The following MEI4 variants were observed in gnomAD, a reference collection of about 807,000 sequenced individuals.
MEI4 encodes the protein meiosis-specific protein MEI4.
Under a neutral mutation model 31.4 loss-of-function variants are expected in MEI4, and 27 were observed. The observed-to-expected ratio is 0.86, with a 90% CI of 0.63 to 1.19. The LOEUF is 1.19. Ranked by LOEUF, MEI4 falls within the 50% of genes most tolerant of loss-of-function variation. The pLI, the probability that MEI4 is intolerant of heterozygous loss-of-function variation, is 0.00. For synonymous variants in MEI4, 122 were observed against 145.4 expected (o/e 0.84, Z 1.16); for missense variants, 329 against 398.9 (o/e 0.82, Z 1.49).
intron 3 of MEI4, among the ~76,000 whole-genome samples, chr6:77,795,552 A>C (rs1004598574): frequency 3.0e-5 from 3 of 100,136 alleles, no homozygotes; most frequent in African/African-American, 2.0e-4. Context: ...AGCTAGAAGA[A>C]GTGAAAAAAT....
intron 2 of MEI4, among the ~76,000 whole-genome samples, chr6:77,751,602 T>C (rs966917426): frequency 6.6e-6 from 1 of 151,668 alleles, no homozygotes; most frequent in Non-Finnish European, 1.5e-5. Flanking sequence ...AATAACAAGT[T>C]CTGAAATTGA....
At chr6:77,703,555 A>G (rs1281226601) in intron 2 of MEI4, among the ~76,000 whole-genome samples, 3 of 152,110 alleles carry the variant, frequency 2.0e-5, no homozygotes, top group South Asian at 2.1e-4. Flanking sequence ...TTAGGATTAC[A>G]TTTATTTTTT....
At position 77,915,723 on chromosome 6, in the gene MEI4, A is replaced by C. The variant is rs571464631; in HGVS notation, c.901-7366A>C. 7.2e-5 allele frequency among the ~76,000 whole-genome samples: 11 copies of C among 152,090 alleles called. No individual in the cohort carries two copies. The East Asian group carries it at 2.1e-3, about 29-fold the overall frequency. On this transcript the variant is annotated intron_variant, in intron 4 of 4. Coordinates refer to ENST00000684080, the MANE Select transcript of MEI4 (RefSeq NM_001322247.2). ...TCTTTGTTTCTTTTTACTGCAATGT[A>C]ATATACAGTAGGGAAGATCTTTTTT...
intron 3 of MEI4, among the ~76,000 whole-genome samples, chr6:77,789,593 A>T (rs1768855864): frequency 6.6e-6 from 1 of 152,232 alleles, no homozygotes; most frequent in Admixed American, 6.5e-5. Flanking sequence ...AAGTGGGTGA[A>T]GGACATGAAC....
chr6:77,918,987 GA>G (rs1766635064), intron 4 of MEI4, among the ~76,000 whole-genome samples: 1 of 151,648 alleles, frequency 6.6e-6, no homozygotes, highest in South Asian at 2.1e-4. Flanking sequence ...AAGGGTTGTT[GA>G]ATTATAAAGC....
At chr6:77,801,712 C>T (rs1030038517) in intron 3 of MEI4, among the ~76,000 whole-genome samples, 1 of 152,066 alleles carries the variant, frequency 6.6e-6, no homozygotes, top group Non-Finnish European at 1.5e-5. Flanking sequence ...ATGTTTATTT[C>T]TGCCTTCATT....
chr6:77,696,166 T>G (rs2127654194), intron 2 of MEI4, among the ~76,000 whole-genome samples: 1 of 152,330 alleles, frequency 6.6e-6, no homozygotes, highest in South Asian at 2.1e-4. Flanking sequence ...GATTTTGGAC[T>G]GAGACAATGG....
chr6:77,747,564 C>T (rs929432990), intron 2 of MEI4, among the ~76,000 whole-genome samples: 1 of 152,076 alleles, frequency 6.6e-6, no homozygotes, highest in South Asian at 2.1e-4. Flanking sequence ...TTAGGGGAAA[C>T]CACCCCTATG....
At chr6:77,732,218 C>T (rs1425875798) in intron 2 of MEI4, among the ~76,000 whole-genome samples, 1 of 151,746 alleles carries the variant, frequency 6.6e-6, no homozygotes, top group Non-Finnish European at 1.5e-5. Flanking sequence ...TTACCTTGGG[C>T]AGTATGGCCA....
At chr6:77,844,344 T>C (rs1179902480) in intron 4 of MEI4, among the ~76,000 whole-genome samples, 1 of 152,182 alleles carries the variant, frequency 6.6e-6, no homozygotes, top group East Asian at 1.9e-4. Context: ...CTTTTATTGC[T>C]GTAAACAAAA....
chr6:77,898,203 T>C (rs1766123250), intron 4 of MEI4, among the ~76,000 whole-genome samples: 1 of 152,040 alleles, frequency 6.6e-6, no homozygotes, highest in Admixed American at 6.6e-5. Context: ...AGCTAGTTAG[T>C]AAATGGCTCA....
At chr6:77,905,247 T>C (rs1442089204) in intron 4 of MEI4, among the ~76,000 whole-genome samples, 1 of 152,072 alleles carries the variant, frequency 6.6e-6, no homozygotes, top group Non-Finnish European at 1.5e-5. Flanking sequence ...CATCTCTCTC[T>C]TCTGACCTCT....
At chr6:77,919,054 C>G (rs1428916835) in intron 4 of MEI4, among the ~76,000 whole-genome samples, 1 of 151,934 alleles carries the variant, frequency 6.6e-6, no homozygotes, top group Non-Finnish European at 1.5e-5. Flanking sequence ...TAATGGGAGA[C>G]TTTAACACCC....
intron 3 of MEI4, among the ~76,000 whole-genome samples, chr6:77,824,278 T>A (rs1272217099): frequency 3.3e-5 from 5 of 152,202 alleles, no homozygotes; most frequent in African/African-American, 9.6e-5. Flanking sequence ...TTAGTAGAGA[T>A]GTATTTTGTG....
At chr6:77,713,358 G>A (rs1766508709) in intron 2 of MEI4, among the ~76,000 whole-genome samples, 1 of 152,148 alleles carries the variant, frequency 6.6e-6, no homozygotes, top group African/African-American at 2.4e-5. Context: ...AGCAGCAGAA[G>A]AACCTAAGAA....
intron 2 of MEI4, among the ~76,000 whole-genome samples, chr6:77,739,769 TC>T (rs1561967589): frequency 2.0e-5 from 3 of 152,122 alleles, no homozygotes; most frequent in Non-Finnish European, 4.4e-5. Context: ...GATTTGTTGA[TC>T]TTTTGAATTT....
At chr6:77,831,056 C>A (rs1453277784) in intron 4 of MEI4, among the ~76,000 whole-genome samples, 1 of 148,712 alleles carries the variant, frequency 6.7e-6, no homozygotes, top group African/African-American at 2.5e-5. Flanking sequence ...AACTCAATAC[C>A]AAGAAAACAA....
chr6:77,732,948 G>T lies in MEI4; in HGVS notation c.233-28182G>T, dbSNP rs531845715. 3.3e-5 allele frequency among the ~76,000 whole-genome samples: 5 copies of T among 150,942 alleles called. No homozygotes were observed. The South Asian group carries it at 1.1e-3, about 32-fold the overall frequency. On this transcript the variant is annotated intron_variant, in intron 2 of 4. Coordinates refer to ENST00000684080, the MANE Select transcript of MEI4 (RefSeq NM_001322247.2). ...TTACATTTATTGATTTGCATATATT[G>T]AACCAGCCTTGCATCCCAGGGATGA... is the stretch of plus-strand genomic sequence containing the variant.
intron 2 of MEI4, among the ~76,000 whole-genome samples, chr6:77,693,532 A>C (rs1021699189): frequency 1.3e-5 from 2 of 152,082 alleles, no homozygotes; most frequent in African/African-American, 2.4e-5. Context: ...ATTTTCAAAA[A>C]ATCATATAAT....
Sources: allele counts gnomAD v4.1 joint callset (sites outside exome capture counted in the v4.1 genomes callset), GRCh38; gene constraint gnomAD v4.1.1; transcripts MANE v1.5; gene names NCBI Gene and HGNC (gene_info 2026-07-23, HGNC 2026-07-21).